CELF2: variants seen among roughly 807,000 people sequenced by gnomAD.
CELF2 encodes CUG triplet repeat RNA-binding protein 2.
CELF2 carries 8 observed loss-of-function variants against 62.6 expected under a neutral mutation model. The observed-to-expected ratio is 0.13, with a 90% CI of 0.07 to 0.23. The LOEUF is 0.23. CELF2 is among the 10% of genes least tolerant of loss of function. The pLI is 1.00. For missense variants in CELF2, 333 were observed against 671.0 expected, an observed-to-expected ratio of 0.50 and a Z score of 5.56; for synonymous variants, 258 against 250.0, an observed-to-expected ratio of 1.03 and a Z score of -0.30.
chr10:10,963,975 A>G (rs534511107), intron 2 of CELF2, among the ~76,000 whole-genome samples: 1 of 152,344 alleles, frequency 6.6e-6, no homozygotes, highest in East Asian at 1.9e-4. Flanking sequence ...TTCATAAACT[A>G]GAATCTAAAT....
Position 11,243,302 on chromosome 10 carries a change from T to C in CELF2, c.355-5851T>C, listed in dbSNP as rs930643295. ...TGGTTTTTAAACAAATAGGGCTAAA[T>C]AGAGACCAAGAAGTTAACCATGTAC... On this transcript the variant is annotated intron_variant, in intron 3 of 12. Transcript: ENST00000633077. This position sits in a 1 kb window ranked among gnomAD's most constrained non-coding sequence, Gnocchi z 4.1. Among the ~76,000 whole-genome samples, 3 of 139,250 alleles carry C rather than the reference T, an allele frequency of 2.2e-5. No homozygotes were observed. The highest frequency in any genetic ancestry group is 7.6e-5 in the Admixed American group (1 of 13,194). 91.4% of individuals were successfully genotyped at this position (139,250 alleles called of 152,430 possible).
chr10:10,562,344 C>T, the CELF2 span, among the ~76,000 whole-genome samples: 6 of 152,320 alleles, frequency 3.9e-5, no homozygotes, highest in African/African-American at 1.4e-4. Context: ...TAGTTATGCA[C>T]AATTAGTGAT....
chr10:10,823,604 A>C (rs1488310352), intron 1 of CELF2, among the ~76,000 whole-genome samples: 1 of 152,196 alleles, frequency 6.6e-6, no homozygotes, highest in African/African-American at 2.4e-5. Flanking sequence ...AGAATGGCTG[A>C]ATTATGTTAA....
At chr10:11,066,413 C>T (rs576691684) in intron 1 of CELF2, among the ~76,000 whole-genome samples, 8 of 152,122 alleles carry the variant, frequency 5.3e-5, no homozygotes, top group Admixed American at 3.3e-4. Flanking sequence ...TCATCACCTT[C>T]ATTTTATAGG....
the CELF2 span, among the ~76,000 whole-genome samples, chr10:10,686,883 C>A: frequency 6.6e-6 from 1 of 152,164 alleles, no homozygotes; most frequent in African/African-American, 2.4e-5. Context: ...GATGACTGGT[C>A]CCATGCCCAG....
rs541882032 is a variant in CELF2, at chr10:10,883,504, C to T, written c.54-36460C>T. On this transcript the variant is annotated intron_variant, in intron 1 of 13. Coordinates refer to the CELF2 transcript ENST00000636488. ...CGGAAACTGGCCCTCTTGATTTTTTCGCTGTGTGATCCCAACAGTCATCAT... is the reference window on the plus strand; with the variant it reads ...CGGAAACTGGCCCTCTTGATTTTTTTGCTGTGTGATCCCAACAGTCATCAT... 2.2e-4 allele frequency among the ~76,000 whole-genome samples: 33 copies of T among 152,178 alleles called. No individual in the cohort carries two copies. The South Asian group carries it at 3.9e-3, about 18-fold the overall frequency.
chr10:10,991,320 A>G, intron 2 of CELF2, among the ~76,000 whole-genome samples: 1 of 152,184 alleles, frequency 6.6e-6, no homozygotes, highest in South Asian at 2.1e-4. Context: ...GCATCCTTCA[A>G]GCTGTCTCCT....
At chr10:11,154,318 C>G (rs1250984860) in intron 1 of CELF2, among the ~76,000 whole-genome samples, 1 of 152,192 alleles carries the variant, frequency 6.6e-6, no homozygotes, top group African/African-American at 2.4e-5. Context: ...AGCAAAGAGA[C>G]AGGACCTATA....
chr10:10,664,953 T>C, the CELF2 span, among the ~76,000 whole-genome samples: 4 of 152,198 alleles, frequency 2.6e-5, no homozygotes, highest in Non-Finnish European at 5.9e-5. Flanking sequence ...AAAATAACAA[T>C]ACCAACAAAT....
At chr10:11,003,743 A>G (rs187151338), upstream of CELF2, among the ~76,000 whole-genome samples, 1 of 152,210 alleles carries the variant, frequency 6.6e-6, no homozygotes, top group African/African-American at 2.4e-5. This position sits in a 1 kb window ranked among gnomAD's most constrained non-coding sequence, Gnocchi z 4.4. Flanking sequence ...TCTTACTTCA[A>G]AAGAACATCT....
chr10:10,508,550 G>A, the CELF2 span, among the ~76,000 whole-genome samples: 6 of 152,000 alleles, frequency 3.9e-5, no homozygotes, highest in Non-Finnish European at 1.5e-5. Context: ...AATTATTCAG[G>A]GACTTTTCCC....
Position 11,321,033 on chromosome 10 carries a change from C to A in CELF2, c.1097-156C>A. On this transcript the variant is annotated intron_variant, in intron 10 of 12. Coordinates refer to ENST00000633077, the MANE Select transcript of CELF2 (RefSeq NM_001326342.2). This position sits in a 1 kb window ranked among gnomAD's most constrained non-coding sequence, Gnocchi z 6.2. ...TTTCCCCCATTATCACGATTTATTTCTTCATGGTTTCATTTTTAGTTTCCT... is the reference window on the plus strand; with the variant it reads ...TTTCCCCCATTATCACGATTTATTTATTCATGGTTTCATTTTTAGTTTCCT... 7.6e-7 allele frequency: 1 copy of A among 1,314,566 alleles called. No homozygotes were observed. Among genetic ancestry groups the A allele is most frequent in the Non-Finnish European group, 1.1e-6 (1 of 948,512 alleles). The allele number at this position is 1,314,566 out of a possible 1,614,324, so 81.4% of individuals were successfully genotyped here.
the CELF2 span, among the ~76,000 whole-genome samples, chr10:10,727,634 G>A: frequency 1.3e-5 from 2 of 151,930 alleles, no homozygotes; most frequent in African/African-American, 4.8e-5. Flanking sequence ...AAATTAGCCG[G>A]GCGTGCTGGC....
At chr10:10,555,129 GT>G in the CELF2 span, among the ~76,000 whole-genome samples, 1 of 152,080 alleles carries the variant, frequency 6.6e-6, no homozygotes, top group Non-Finnish European at 1.5e-5. Context: ...TGACACCGTG[GT>G]TTTTTTACAG....
chr10:10,748,471 T>A, the CELF2 span, among the ~76,000 whole-genome samples: 1 of 152,068 alleles, frequency 6.6e-6, no homozygotes, highest in Admixed American at 6.6e-5. Context: ...CTCTGGGGTC[T>A]GGCGCGGTGG....
At chr10:10,895,462 C>A (rs989107729) in intron 1 of CELF2, among the ~76,000 whole-genome samples, 10 of 152,040 alleles carry the variant, frequency 6.6e-5, no homozygotes, top group African/African-American at 2.2e-4. Context: ...AAAATGAAAG[C>A]AGAAGCAGAA....
chr10:10,905,560 A>G (rs1213112345), intron 1 of CELF2, among the ~76,000 whole-genome samples: 1 of 146,694 alleles, frequency 6.8e-6, no homozygotes, highest in African/African-American at 2.5e-5. Context: ...CCTTCCCAAC[A>G]TGGCAAACCC....
chr10:10,519,816 G>A, the CELF2 span, among the ~76,000 whole-genome samples: 1 of 152,230 alleles, frequency 6.6e-6, no homozygotes, highest in Non-Finnish European at 1.5e-5. Flanking sequence ...GTGAGATGGG[G>A]AAGGGTTAAG....
the CELF2 span, among the ~76,000 whole-genome samples, chr10:10,666,871 A>AG: frequency 6.7e-6 from 1 of 150,010 alleles, no homozygotes; most frequent in Non-Finnish European, 1.5e-5. Context: ...CAAAAAAAAA[A>AG]AAAAAAAAGA....
Sources: allele counts gnomAD v4.1 joint callset (sites outside exome capture counted in the v4.1 genomes callset), GRCh38; gene constraint gnomAD v4.1.1; non-coding constraint Gnocchi (gnomAD v3.1); transcripts MANE v1.5; gene names NCBI Gene and HGNC (gene_info 2026-07-23, HGNC 2026-07-21).